The following SHC3 variants were observed in gnomAD, a reference collection of about 807,000 sequenced individuals.
The protein encoded by SHC3 is SHC-transforming protein 3.
Under a neutral mutation model 60.4 loss-of-function variants are expected in SHC3, and 15 were observed. That is an observed-to-expected ratio of 0.25 (90% confidence interval 0.17 to 0.38). The LOEUF is 0.38. SHC3 is among the 10% of genes least tolerant of loss of function. The probability of loss-of-function intolerance (pLI) is 1.00; values close to 1 mark genes in which losing one functional copy is unlikely to be tolerated. For missense variants in SHC3, 677 were observed against 786.1 expected (o/e 0.86, Z 1.66); for synonymous variants, 294 against 325.9 (o/e 0.90, Z 1.05).
At chr9:89,112,756 T>C (rs1825968671) in intron 1 of SHC3, 130 bp from the exon 2 acceptor site, 1 of 701,886 alleles carries the variant, frequency 1.4e-6, no homozygotes, top group Non-Finnish European at 2.2e-6. Context: ...AATTCTAGGG[T>C]GAGGCTTTGT....
intron 5 of SHC3, among the ~76,000 whole-genome samples, chr9:89,067,546 G>T (rs1158683984): frequency 6.6e-6 from 1 of 152,166 alleles, no homozygotes; most frequent in Non-Finnish European, 1.5e-5. Context: ...GAAAGAAAAG[G>T]ACACAGGGTA....
chr9:89,030,520 C>T (rs1464624595), intron 11 of SHC3, among the ~76,000 whole-genome samples: 2 of 151,996 alleles, frequency 1.3e-5, no homozygotes, highest in East Asian at 1.9e-4. Flanking sequence ...TCTGAATAGA[C>T]CTATAACAAG....
intron 2 of SHC3, 94 bp from the exon 3 acceptor site, chr9:89,077,997 C>G: frequency 7.2e-7 from 1 of 1,397,708 alleles, no homozygotes; most frequent in Non-Finnish European, 1.0e-6. Context: ...AAAATAACTG[C>G]CTGTTTATTT....
chr9:89,117,548 G>C (rs193158893), intron 1 of SHC3, among the ~76,000 whole-genome samples: 2 of 151,626 alleles, frequency 1.3e-5, no homozygotes, highest in African/African-American at 4.9e-5. Context: ...CTTTCTTTTG[G>C]TGGCATCTAC....
chr9:89,039,272 T>C (rs1045697476), intron 10 of SHC3, among the ~76,000 whole-genome samples: 3 of 152,226 alleles, frequency 2.0e-5, no homozygotes, highest in Admixed American at 1.3e-4. Flanking sequence ...TCATTCAGTA[T>C]AGTCAACAGA....
intron 11 of SHC3, among the ~76,000 whole-genome samples, chr9:89,018,679 T>C (rs992495487): frequency 6.8e-5 from 10 of 148,120 alleles, no homozygotes; most frequent in African/African-American, 1.7e-4. Flanking sequence ...AGTAGTTTTT[T>C]TTTCTTTCTT....
rs7854815 is a variant in SHC3 at position 89,173,713 on chromosome 9, G to A, written c.474+4274C>T. ...GTGCATGGTGTGTATGTGCATATGTGTGTGTATATGTGAGGTGTGTGTGTG... is the reference window on the plus strand; with the variant it reads ...GTGCATGGTGTGTATGTGCATATGTATGTGTATATGTGAGGTGTGTGTGTG... On this transcript the variant is annotated intron_variant, in intron 1 of 11. Coordinates refer to ENST00000375835, the MANE Select transcript of SHC3 (RefSeq NM_016848.6). Among the ~76,000 whole-genome samples the A allele has an allele frequency of 6.1e-3, 923 of 152,058 alleles. 9 individuals are homozygous for A. Among genetic ancestry groups the A allele is most frequent in the African/African-American group, 0.021 (864 of 41,472 alleles).
chr9:89,138,118 G>C (rs1167640103), intron 1 of SHC3, among the ~76,000 whole-genome samples: 1 of 152,188 alleles, frequency 6.6e-6, no homozygotes, highest in Admixed American at 6.5e-5. Flanking sequence ...GGGGGACAAA[G>C]AACATGCATC....
rs1826036436 is a variant in SHC3 at position 89,013,192 on chromosome 9, T to C, written c.*255A>G. On this transcript the variant is annotated 3_prime_UTR_variant, in exon 12 of 12. Coordinates refer to ENST00000375835, the MANE Select transcript of SHC3 (RefSeq NM_016848.6). ...TACAGCACAGAACATTAGTCTTACA[T>C]CTTTCTTAGTCTTAAAAAATATAAA... is the stretch of plus-strand genomic sequence containing the variant. 6.8e-6 allele frequency: 2 copies of C among 294,818 alleles called. No individual in the cohort carries two copies. Among genetic ancestry groups the C allele is most frequent in the South Asian group, 1.6e-4 (1 of 6,152 alleles). 18.3% of individuals were successfully genotyped at this position (294,818 alleles called of 1,614,324 possible).
At chr9:89,084,630 TTGAA>T (rs2118035849) in intron 2 of SHC3, among the ~76,000 whole-genome samples, 1 of 152,344 alleles carries the variant, frequency 6.6e-6, no homozygotes, top group Admixed American at 6.5e-5. Flanking sequence ...AACACTTTCA[TTGAA>T]TTATTTTTTC....
chr9:89,070,438 G>A (rs1419841426), intron 5 of SHC3, among the ~76,000 whole-genome samples: 5 of 152,184 alleles, frequency 3.3e-5, no homozygotes, highest in Non-Finnish European at 5.9e-5. Context: ...GGCCCAGGCT[G>A]TCCACAGTGA....
chr9:89,066,316 G>T (rs1825180304), intron 5 of SHC3, among the ~76,000 whole-genome samples: 1 of 152,198 alleles, frequency 6.6e-6, no homozygotes, highest in Non-Finnish European at 1.5e-5. Context: ...AAGGCTGACT[G>T]CAAATGCTGC....
chr9:89,036,695 G>A (rs1393372009), intron 11 of SHC3, among the ~76,000 whole-genome samples: 2 of 152,154 alleles, frequency 1.3e-5, no homozygotes, highest in Non-Finnish European at 2.9e-5. Context: ...GGAAAAGGAA[G>A]AAACAAAATG....
Position 89,007,231 on chromosome 9 carries a change from C to T in SHC3, c.*6216G>A, listed in dbSNP as rs1413312857. 1 of 152,314 alleles carries T rather than the reference C, an allele frequency of 6.6e-6. No individual in the cohort carries two copies. The allele number at this position is 152,314 out of a possible 1,614,324, so 9.4% of individuals were successfully genotyped here. The stretch of plus-strand genomic sequence containing the variant: ...GAGAGTGACAACTCCAGGCTGTCCA[C>T]CCCCATCCTGAGCCTTCCACACTCT... On this transcript the variant is annotated 3_prime_UTR_variant, in exon 12 of 12. Coordinates refer to ENST00000375835, the MANE Select transcript of SHC3 (RefSeq NM_016848.6).
chr9:89,124,770 G>T (rs757689729), intron 1 of SHC3, among the ~76,000 whole-genome samples: 1 of 151,834 alleles, frequency 6.6e-6, no homozygotes, highest in Non-Finnish European at 1.5e-5. Context: ...AGGTAGATAG[G>T]TGCAGCAAAT....
At chr9:89,046,803 A>C in intron 8 of SHC3, 41 bp downstream of exon 8, 1 of 1,446,384 alleles carries the variant, frequency 6.9e-7, no homozygotes, top group Non-Finnish European at 9.1e-7. Context: ...AAGTAGAGTT[A>C]GCCTCCATTC....
chr9:89,159,898 A>G (rs1050949257), intron 1 of SHC3, among the ~76,000 whole-genome samples: 2 of 152,144 alleles, frequency 1.3e-5, no homozygotes, highest in African/African-American at 4.8e-5. Context: ...CTTGGGCAAC[A>G]TCCTCACAGA....
chr9:89,115,795 C>T (rs534672859), intron 1 of SHC3, among the ~76,000 whole-genome samples: 127 of 152,318 alleles, frequency 8.3e-4, no homozygotes, highest in African/African-American at 2.8e-3. Context: ...CCAGCAACAA[C>T]ACTGCAGTGT....
At chr9:89,055,156 G>A (rs929034977) in intron 6 of SHC3, among the ~76,000 whole-genome samples, 72 of 152,314 alleles carry the variant, frequency 4.7e-4, no homozygotes, top group African/African-American at 1.4e-3. Flanking sequence ...CACATCTCCC[G>A]CTCCCTGAAG....
Sources: gnomAD v4.1 joint callset for allele counts (sites outside exome capture counted in the v4.1 genomes callset) on GRCh38, gnomAD v4.1.1 for gene constraint, MANE v1.5 for transcripts, NCBI Gene and HGNC (gene_info 2026-07-23, HGNC 2026-07-21) for gene names.